Variants in AFAP1L1 observed in about 807,000 individuals in gnomAD.
The protein encoded by AFAP1L1 is actin filament-associated protein 1-like 1.
AFAP1L1 carries 77 observed loss-of-function variants against 99.8 expected under a neutral mutation model. The observed-to-expected ratio is 0.77, with a 90% CI of 0.64 to 0.93. The LOEUF is 0.93. Ranked by LOEUF, AFAP1L1 falls within the 40% of genes least tolerant of loss-of-function variation. AFAP1L1 has a pLI of 0.00. For synonymous variants in AFAP1L1, 373 were observed against 395.3 expected (o/e 0.94, Z 0.67); for missense variants, 893 against 996.8 (o/e 0.90, Z 1.40).
At chr5:149,317,612 G>C in intron 11 of AFAP1L1, 117 bp from the exon 12 acceptor site, 1 of 1,047,380 alleles carries the variant, frequency 9.5e-7, no homozygotes, top group Non-Finnish European at 1.4e-6. Context: ...GGTCACAGGG[G>C]AAAGAGAGCT....
chr5:149,276,045 A>G (rs1755311120), intron 1 of AFAP1L1, among the ~76,000 whole-genome samples: 2 of 152,354 alleles, frequency 1.3e-5, no homozygotes, highest in Admixed American at 1.3e-4. Context: ...GTTCAAACCC[A>G]GCTGTCTCCA....
intron 1 of AFAP1L1, among the ~76,000 whole-genome samples, chr5:149,294,435 C>G (rs745776350): frequency 6.6e-5 from 10 of 152,206 alleles, no homozygotes; most frequent in Non-Finnish European, 1.3e-4. Context: ...AAGCTGTCAT[C>G]AGACTTCTGT....
rs187038198 is a variant in AFAP1L1 at position 149,320,077 on chromosome 5, G to A, written c.1626-314G>A. Among the ~76,000 whole-genome samples, 2 of 152,310 alleles carry A rather than the reference G, an allele frequency of 1.3e-5. No individual in the cohort carries two copies. Among genetic ancestry groups the A allele is most frequent in the East Asian group, 1.9e-4 (1 of 5,182 alleles). On this transcript the variant is annotated intron_variant, in intron 13 of 18. Coordinates refer to ENST00000296721, the MANE Select transcript of AFAP1L1 (RefSeq NM_152406.4). The surrounding 1 kb of genome is among the most constrained non-coding windows in gnomAD (Gnocchi z 4.0). ...ATTTGGTACTAGAAGAGCCAAGTTCGAGTCCCAGCTCAGTCACCACCAGCA... is the reference window on the plus strand; with the variant it reads ...ATTTGGTACTAGAAGAGCCAAGTTCAAGTCCCAGCTCAGTCACCACCAGCA...
chr5:149,310,069 C>T lies in AFAP1L1; in HGVS notation c.861C>T (p.Thr287=), dbSNP rs764018151. The change falls in exon 8 of 19, where the codon ACC becomes ACT. Residue 287 remains threonine (T), a synonymous_variant. Transcript: ENST00000296721. ...SRHKRHELRF[T]QGATEVLVLA... ...ACAAGAGGCACGAGCTGCGTTTCAC[C>T]CAGGGGGCTACCGAGGTCTTGGTGC... is the stretch of plus-strand genomic sequence containing the variant. The T allele has an allele frequency of 2.5e-5, 40 of 1,613,966 alleles. No individual in the cohort carries two copies. In the African/African-American group the frequency reaches 4.4e-4, roughly 18 times the overall value.
chr5:149,292,103 A>G (rs949455933), intron 1 of AFAP1L1, among the ~76,000 whole-genome samples: 3 of 152,226 alleles, frequency 2.0e-5, no homozygotes, highest in African/African-American at 7.2e-5. Context: ...GCATTTTTGT[A>G]CGCTCCAGAG....
chr5:149,330,055 A>G (rs1268111959), intron 16 of AFAP1L1, among the ~76,000 whole-genome samples: 2 of 152,192 alleles, frequency 1.3e-5, no homozygotes, highest in Non-Finnish European at 2.9e-5. Context: ...CTTGTTTTGG[A>G]GGATGAAAAA....
chr5:149,330,951 A>G (rs879439310), intron 16 of AFAP1L1, among the ~76,000 whole-genome samples: 9 of 152,134 alleles, frequency 5.9e-5, no homozygotes, highest in Non-Finnish European at 1.2e-4. Context: ...TTTTTGCATT[A>G]AAATTTTTTT....
intron 1 of AFAP1L1, among the ~76,000 whole-genome samples, chr5:149,284,525 A>T (rs571065943): frequency 6.6e-6 from 1 of 152,390 alleles, no homozygotes; most frequent in East Asian, 1.9e-4. Context: ...TTTAGAAATG[A>T]CTGCCTTTCT....
intron 9 of AFAP1L1, among the ~76,000 whole-genome samples, chr5:149,313,243 G>T (rs909944785): frequency 2.6e-5 from 4 of 152,128 alleles, no homozygotes; most frequent in Non-Finnish European, 5.9e-5. Context: ...GCCAGGTATT[G>T]TGGGTAACAA....
At chr5:149,281,856 G>A (rs1755528528) in intron 1 of AFAP1L1, among the ~76,000 whole-genome samples, 1 of 152,140 alleles carries the variant, frequency 6.6e-6, no homozygotes, top group South Asian at 2.1e-4. Context: ...CCGAGAAGAC[G>A]AGGAAAAGGA....
chr5:149,340,076 C>T lies in AFAP1L1; in HGVS notation c.*46C>T, dbSNP rs1757520910. 1.9e-6 allele frequency: 3 copies of T among 1,610,550 alleles called. No homozygotes were observed. Among genetic ancestry groups the T allele is most frequent in the Middle Eastern group, 3.3e-4 (2 of 6,054 alleles). On this transcript the variant is annotated 3_prime_UTR_variant, in exon 19 of 19. Coordinates refer to ENST00000296721, the MANE Select transcript of AFAP1L1 (RefSeq NM_152406.4). ...TCCAAAGGAAATACCAGCTTGTCCA[C>T]CTGAGGAAGAAATGCTTTTTTCACA...
intron 7 of AFAP1L1, among the ~76,000 whole-genome samples, chr5:149,309,475 C>A (rs1443869065): frequency 6.6e-6 from 1 of 152,098 alleles, no homozygotes; most frequent in Admixed American, 6.5e-5. Flanking sequence ...CTATAATTTT[C>A]TCTTTTCGTA....
rs367680261 is a variant in AFAP1L1, at chr5:149,315,870, G to A, written c.1070G>A (p.Gly357Asp). 4.9e-5 allele frequency: 79 copies of A among 1,614,060 alleles called. No homozygotes were observed. Among genetic ancestry groups the A allele is most frequent in the Non-Finnish European group, 6.5e-5 (77 of 1,180,044 alleles). ...QTSDSDSVGV[G>D]DNCSTLGRRE... is the part of the protein sequence containing the mutation. Reference sequence around the variant, plus strand: ...TCAGATTCTGACAGCGTGGGTGTGGGTGACAACTGTTCTACCCTTGGCCGC... The same window carrying A: ...TCAGATTCTGACAGCGTGGGTGTGGATGACAACTGTTCTACCCTTGGCCGC... Residue 357 changes from glycine to aspartate, a missense_variant, in exon 10 of 19, where the codon GGT becomes GAT. By Grantham distance (94) the Gly-to-Asp change is moderately conservative (BLOSUM62 -1). Coordinates refer to ENST00000296721, the MANE Select transcript of AFAP1L1 (RefSeq NM_152406.4).
chr5:149,296,575 G>A (rs1021733589), intron 1 of AFAP1L1, among the ~76,000 whole-genome samples: 5 of 152,172 alleles, frequency 3.3e-5, no homozygotes, highest in Non-Finnish European at 7.3e-5. Flanking sequence ...GAGGGAATAC[G>A]CATGTTTGTG....
In AFAP1L1 at chr5:149,307,394, G is replaced by A. The variant is rs186395299; in HGVS notation, c.536-8G>A. On this transcript the variant is annotated splice_polypyrimidine_tract_variant and splice_region_variant and intron_variant, in intron 6 of 18. Transcript: ENST00000296721. ...ACAGTGATGGATCCTTTCCCGTGAC[G>A]CCTGCAGATAATGACTCTGACGCAA... is the stretch of plus-strand genomic sequence containing the variant. 29 of 1,613,918 alleles carry A rather than the reference G, an allele frequency of 1.8e-5. No individual in the cohort carries two copies. The highest frequency in any genetic ancestry group is 2.4e-5 in the Non-Finnish European group (28 of 1,179,900).
chr5:149,307,191 G>A (rs940139366), intron 6 of AFAP1L1, among the ~76,000 whole-genome samples: 7 of 151,980 alleles, frequency 4.6e-5, no homozygotes, highest in Non-Finnish European at 1.0e-4. Flanking sequence ...AGGTTGCAGC[G>A]AGCCGAGATC....
intron 8 of AFAP1L1, 114 bp from the exon 9 acceptor site, chr5:149,311,987 GTCCATCTGTTC>G: frequency 1.2e-6 from 1 of 813,042 alleles, no homozygotes; most frequent in Non-Finnish European, 2.0e-6. Context: ...AGCTGTGTCA[GTCCATCTGTTC>G]CCCACAGTGG....
At chr5:149,302,362 C>T in intron 4 of AFAP1L1, 56 bp from the exon 5 acceptor site, 1 of 1,335,646 alleles carries the variant, frequency 7.5e-7, no homozygotes, top group Non-Finnish European at 1.0e-6. Flanking sequence ...TCTCCCTCAG[C>T]CTCTCTCTCC....
Position 149,334,880 on chromosome 5 carries a change from C to CA in AFAP1L1, c.2155-704dup, listed in dbSNP as rs371979196. Among the ~76,000 whole-genome samples, 1,050 of 137,956 alleles carry CA rather than the reference C, an allele frequency of 7.6e-3. 4 individuals are homozygous for CA. The highest frequency in any genetic ancestry group is 0.023 in the East Asian group (109 of 4,810). 90.5% of individuals were successfully genotyped at this position (137,956 alleles called of 152,430 possible). ...GGCAAGAGAGCAAGACTCTGTCTTA[C>CA]AAAAAAAAAAGAAAGAAAGGAAAGA... On this transcript the variant is annotated intron_variant, in intron 17 of 18. Coordinates refer to ENST00000296721, the MANE Select transcript of AFAP1L1 (RefSeq NM_152406.4).
Sources: gnomAD v4.1 joint callset for allele counts (sites outside exome capture counted in the v4.1 genomes callset) on GRCh38, gnomAD v4.1.1 for gene constraint, Gnocchi (gnomAD v3.1) non-coding constraint, MANE v1.5 for transcripts, NCBI Gene and HGNC (gene_info 2026-07-23, HGNC 2026-07-21) for gene names.